KIF1B: variants seen among roughly 807,000 people sequenced by gnomAD.
KIF1B encodes kinesin family member 1B.
In KIF1B, 76 loss-of-function variants were observed where a neutral mutation model predicts 241.9. The observed-to-expected ratio is 0.31, with a 90% CI of 0.26 to 0.38. The LOEUF is 0.38. Among genes scored for constraint, KIF1B ranks in the 10% least tolerant of loss-of-function variants. The pLI, the probability that KIF1B is intolerant of heterozygous loss-of-function variation, is 1.00. For missense variants in KIF1B, 1,622 were observed against 2,271.4 expected (o/e 0.71, Z 5.81); for synonymous variants, 750 against 796.7 (o/e 0.94, Z 0.99).
At chr1:10,371,771 A>G (rs1638739328) in intron 45 of KIF1B, among the ~76,000 whole-genome samples, 1 of 152,108 alleles carries the variant, frequency 6.6e-6, no homozygotes. Flanking sequence ...TGTCTCTACA[A>G]AAAATAAATA....
At chr1:10,217,596 C>A (rs914390295) in intron 1 of KIF1B, among the ~76,000 whole-genome samples, 11 of 152,088 alleles carry the variant, frequency 7.2e-5, no homozygotes, top group African/African-American at 2.4e-4. Flanking sequence ...AGGTTACAGG[C>A]GTGAGCCACC....
At chr1:10,256,423 T>C in intron 3 of KIF1B, 100 bp downstream of exon 3, 2 of 824,758 alleles carry the variant, frequency 2.4e-6, no homozygotes, top group Admixed American at 3.5e-5. Flanking sequence ...AAGTTTTGCT[T>C]CTTAACTGTT....
Position 10,272,305 on chromosome 1 carries a change from T to C in KIF1B, c.863T>C (p.Val288Ala), listed in dbSNP as rs1319833568. 1 of 1,593,844 alleles carries C rather than the reference T, an allele frequency of 6.3e-7. No individual in the cohort carries two copies. The highest frequency in any genetic ancestry group is 1.3e-5 in the African/African-American group (1 of 74,466). Residue 288 changes from valine to alanine, a missense_variant and splice_region_variant, in exon 9 of 49, where the codon GTG becomes GCG. Around this residue, in one of 7 missense-constraint regions of KIF1B, gnomAD observed 201 missense variants for 301.2 expected, o/e 0.67. Transcript: ENST00000676179. ...LGKVISALAE[V>A]DNCTSKSKKK... is the part of the protein sequence containing the mutation. Reference sequence around the variant, plus strand: ...AAAGTCATTTCAGCCTTGGCCGAGGTGGTAAGTTTTATACTTCATTATAAG... The same window carrying C: ...AAAGTCATTTCAGCCTTGGCCGAGGCGGTAAGTTTTATACTTCATTATAAG...
At chr1:10,357,933 C>T (rs558534405) in intron 38 of KIF1B, among the ~76,000 whole-genome samples, 1 of 150,922 alleles carries the variant, frequency 6.6e-6, no homozygotes, top group South Asian at 2.1e-4. Flanking sequence ...CGCTTAAACC[C>T]GGGAGGCGGA....
chr1:10,374,339 C>A lies in KIF1B; in HGVS notation c.4970C>A (p.Ala1657Asp), dbSNP rs758879647. ...AGGACCCCAGAAGCCAATTCCCGGGCCTCTAGTCCCTGCCCAGAATTTGAA... is the reference window on the plus strand; with the variant it reads ...AGGACCCCAGAAGCCAATTCCCGGGACTCTAGTCCCTGCCCAGAATTTGAA... Reference protein sequence around the residue: ...DQKTPEANSRASSPCPEFEQF... With the variant: ...DQKTPEANSRDSSPCPEFEQF... Residue 1657 changes from alanine to aspartate, a missense_variant, in exon 46 of 49, where the codon GCC (alanine) becomes GAC (aspartate). By Grantham distance (126) the Ala-to-Asp change is moderately radical (BLOSUM62 -2). Transcript: ENST00000676179. This position sits in a 1 kb window ranked among gnomAD's most constrained non-coding sequence, Gnocchi z 4.3. The A allele has an allele frequency of 1.2e-6, 2 of 1,614,110 alleles. No individual in the cohort carries two copies. The highest frequency in any genetic ancestry group is 1.7e-6 in the Non-Finnish European group (2 of 1,179,962).
At chr1:10,272,910 G>T in intron 9 of KIF1B, 104 bp from the exon 10 acceptor site, 1 of 947,580 alleles carries the variant, frequency 1.1e-6, no homozygotes, top group South Asian at 1.6e-5. Flanking sequence ...TGCTTGCCTT[G>T]GAGAAATCAT....
chr1:10,267,333 A>G (rs776590983), intron 5 of KIF1B, 47 bp from the exon 6 acceptor site: 14 of 1,576,412 alleles, frequency 8.9e-6, no homozygotes, highest in African/African-American at 1.4e-5. Flanking sequence ...CGGCTTCTGT[A>G]TGTGATTTCT....
intron 15 of KIF1B, among the ~76,000 whole-genome samples, chr1:10,287,866 T>A (rs1333509809): frequency 6.6e-6 from 1 of 152,244 alleles, no homozygotes; most frequent in Non-Finnish European, 1.5e-5. Flanking sequence ...GAAATATTTT[T>A]AAAATATCTC....
At chr1:10,218,612 C>T (rs754955650) in intron 1 of KIF1B, among the ~76,000 whole-genome samples, 8 of 151,904 alleles carry the variant, frequency 5.3e-5, no homozygotes, top group Non-Finnish European at 8.8e-5. Flanking sequence ...GTAGAGACAG[C>T]GTTTCATCAT....
In KIF1B at chr1:10,374,557, G is replaced by A. The variant is rs1638832858; in HGVS notation, c.5096+92G>A. The A allele has an allele frequency of 5.8e-6, 8 of 1,384,010 alleles. No individual in the cohort carries two copies. Among genetic ancestry groups the A allele is most frequent in the African/African-American group, 4.3e-5 (3 of 70,526 alleles). 85.7% of individuals were successfully genotyped at this position (1,384,010 alleles called of 1,614,324 possible). ...AGCTCTTCCCTGTGAGGTCTGTACTGTAGTCTGATGCAATCTGTACTGTAG... is the reference window on the plus strand; with the variant it reads ...AGCTCTTCCCTGTGAGGTCTGTACTATAGTCTGATGCAATCTGTACTGTAG... On this transcript the variant is annotated intron_variant, in intron 46 of 48. Transcript: ENST00000676179. The surrounding 1 kb of genome is among the most constrained non-coding windows in gnomAD (Gnocchi z 4.3).
At chr1:10,280,214 CTGAGT>C (rs1451416293) in intron 14 of KIF1B, among the ~76,000 whole-genome samples, 1 of 151,794 alleles carries the variant, frequency 6.6e-6, no homozygotes, top group African/African-American at 2.4e-5. Flanking sequence ...TAGATTTGTA[CTGAGT>C]TATTTCTTTT....
At chr1:10,313,062 G>T (rs1207978117) in intron 22 of KIF1B, among the ~76,000 whole-genome samples, 1 of 150,948 alleles carries the variant, frequency 6.6e-6, no homozygotes, top group East Asian at 1.9e-4. Context: ...TTTTTGTTTT[G>T]TTTTGTTTTT....
intron 1 of KIF1B, among the ~76,000 whole-genome samples, chr1:10,221,094 CTT>C (rs34039054): frequency 0.033 from 3,144 of 93,940 alleles, 22 homozygotes; most frequent in Middle Eastern, 0.1. Context: ...CAGAAAGAAG[CTT>C]TTTTTTTTTT....
intron 1 of KIF1B, among the ~76,000 whole-genome samples, chr1:10,229,753 C>T (rs1571104024): frequency 1.3e-5 from 2 of 149,320 alleles, no homozygotes; most frequent in Admixed American, 1.4e-4. Context: ...CCCAGCTACT[C>T]AGGAGGCTGA....
chr1:10,339,674 C>T, intron 31 of KIF1B, 95 bp from the exon 32 acceptor site: 1 of 1,013,134 alleles, frequency 9.9e-7, no homozygotes, highest in East Asian at 2.6e-5. Flanking sequence ...AAGTGGAATG[C>T]TTCTTTCTGT....
rs766077102 is a variant in KIF1B at position 10,278,098 on chromosome 1, C to T, written c.1150C>T (p.Arg384Cys). Reference sequence around the variant, plus strand: ...GGTGACACGGCTGAAGGACCTTCTTCGTGCTCAGGGCCTGGGAGATATTAT... The same window carrying T: ...GGTGACACGGCTGAAGGACCTTCTTTGTGCTCAGGGCCTGGGAGATATTAT... ...EEVTRLKDLL[R>C]AQGLGDIIDI... The change falls in exon 13 of 49, where the codon CGT becomes TGT. Residue 384 changes from arginine (R) to cysteine (C), a missense_variant. This residue lies in a region of KIF1B where 201 missense variants were observed against 301.2 expected (regional missense o/e 0.67). Transcript: ENST00000676179. The T allele has an allele frequency of 8.7e-6, 14 of 1,614,012 alleles. No individual in the cohort carries two copies. Among genetic ancestry groups the T allele is most frequent in the Admixed American group, 3.3e-5 (2 of 60,004 alleles).
intron 22 of KIF1B, among the ~76,000 whole-genome samples, chr1:10,312,724 A>T (rs1651122292): frequency 6.6e-6 from 1 of 151,586 alleles, no homozygotes; most frequent in East Asian, 1.9e-4. Context: ...TAACCTACTC[A>T]GTCTAGAAGT....
At chr1:10,375,788 T>TTTTTTTTTTTTTTTTTTTTTTTTTG (rs1638868352) in intron 48 of KIF1B, among the ~76,000 whole-genome samples, 1 of 38,222 alleles carries the variant, frequency 2.6e-5, no homozygotes, top group African/African-American at 2.3e-4. Context: ...CTTTTCTTGT[T>TTTTTTTTTTTTTTTTTTTTTTTTTG]TTTTTTTTTT....
intron 1 of KIF1B, among the ~76,000 whole-genome samples, chr1:10,219,272 C>T (rs955168646): frequency 8.6e-5 from 13 of 151,124 alleles, no homozygotes; most frequent in African/African-American, 3.2e-4. Flanking sequence ...ACCAGCCTAA[C>T]CAACATGGAG....
Sources: allele counts gnomAD v4.1 joint callset (sites outside exome capture counted in the v4.1 genomes callset), GRCh38; gene constraint gnomAD v4.1.1; regional missense constraint gnomAD v4.1.1; non-coding constraint Gnocchi (gnomAD v3.1); transcripts MANE v1.5; gene names NCBI Gene and HGNC (gene_info 2026-07-23, HGNC 2026-07-21).